The following ABAT variants were observed in gnomAD, a reference collection of about 807,000 sequenced individuals.
ABAT encodes the protein 4-aminobutyrate aminotransferase, mitochondrial.
In ABAT, 45 loss-of-function variants were observed where a neutral mutation model predicts 64.6. That is an observed-to-expected ratio of 0.70 (90% CI 0.55 to 0.89). The LOEUF (loss-of-function observed/expected upper bound fraction) is 0.89. Ranked by LOEUF, ABAT falls within the 40% of genes least tolerant of loss-of-function variation. ABAT has a pLI of 0.00. For synonymous variants in ABAT, 297 were observed against 250.5 expected, an observed-to-expected ratio of 1.19 and a Z score of -1.75; for missense variants, 633 against 658.4, an observed-to-expected ratio of 0.96 and a Z score of 0.42.
chr16:8,778,869 C>T (rs1230175892), intron 14 of ABAT, among the ~76,000 whole-genome samples: 3 of 152,068 alleles, frequency 2.0e-5, no homozygotes, highest in East Asian at 3.9e-4. Context: ...ATTATTTCTG[C>T]GAAGACCTTA....
chr16:8,727,602 G>A lies in ABAT; in HGVS notation c.-41-8097G>A, dbSNP rs1463065008. On this transcript the variant is annotated intron_variant, in intron 1 of 15. Coordinates refer to ENST00000268251, the MANE Select transcript of ABAT (RefSeq NM_020686.6). ...CAGAATTTGTTGTTGACAGTGAACT[G>A]GAAAATTTTTATGTACATATCATGC... Among the ~76,000 whole-genome samples, 4 of 152,128 alleles carry A rather than the reference G, an allele frequency of 2.6e-5. No individual in the cohort carries two copies. In the East Asian group the frequency reaches 5.8e-4, roughly 22 times the overall value.
At chr16:8,678,675 T>G (rs1215069494) in intron 1 of ABAT, among the ~76,000 whole-genome samples, 1 of 152,190 alleles carries the variant, frequency 6.6e-6, no homozygotes, top group East Asian at 1.9e-4. Context: ...TGCTCACACT[T>G]GCACTGACAT....
chr16:8,728,718 A>G (rs538841945), intron 1 of ABAT, among the ~76,000 whole-genome samples: 1 of 152,294 alleles, frequency 6.6e-6, no homozygotes, highest in Non-Finnish European at 1.5e-5. Flanking sequence ...TACTAAAAAT[A>G]CACAAATTAG....
intron 1 of ABAT, among the ~76,000 whole-genome samples, chr16:8,724,068 T>C (rs1185771824): frequency 6.6e-6 from 1 of 151,806 alleles, no homozygotes; most frequent in Non-Finnish European, 1.5e-5. Flanking sequence ...CTTGAACTCC[T>C]GACCTCAGGT....
chr16:8,683,514 G>A (rs531600384), intron 1 of ABAT: 2 of 149,782 alleles, frequency 1.3e-5, no homozygotes, highest in East Asian at 2.0e-4. Context: ...AATAGCTACT[G>A]CACTCCAGCC....
intron 1 of ABAT, among the ~76,000 whole-genome samples, chr16:8,689,692 C>G (rs2141967163): frequency 6.6e-6 from 1 of 152,174 alleles, no homozygotes; most frequent in East Asian, 1.9e-4. Flanking sequence ...TCAGGGAAGT[C>G]TTCTCTGAGA....
rs576703031 is a variant in ABAT at position 8,776,683 on chromosome 16, C to G, written c.1269+193C>G. 6.6e-6 allele frequency among the ~76,000 whole-genome samples: 1 copy of G among 152,320 alleles called. No homozygotes were observed. Among genetic ancestry groups the G allele is most frequent in the East Asian group, 1.9e-4 (1 of 5,182 alleles). On this transcript the variant is annotated intron_variant, in intron 14 of 15. Coordinates refer to ENST00000268251, the MANE Select transcript of ABAT (RefSeq NM_020686.6). This position sits in a 1 kb window ranked among gnomAD's most constrained non-coding sequence, Gnocchi z 4.4. Reference sequence around the variant, plus strand: ...AGGGGATGCCTCCCTATCCCTCCATCCCATTCCAACCCCTATTCCTGAACT... The same window carrying G: ...AGGGGATGCCTCCCTATCCCTCCATGCCATTCCAACCCCTATTCCTGAACT...
At chr16:8,752,486 C>T (rs555756612) in intron 5 of ABAT, among the ~76,000 whole-genome samples, 4 of 152,266 alleles carry the variant, frequency 2.6e-5, no homozygotes, top group South Asian at 2.1e-4. Context: ...TGGTCGGGCA[C>T]GGTGGAGCAC....
chr16:8,688,825 C>T (rs2057515529), intron 1 of ABAT, among the ~76,000 whole-genome samples: 1 of 152,194 alleles, frequency 6.6e-6, no homozygotes, highest in Non-Finnish European at 1.5e-5. Flanking sequence ...CACCTGTAAT[C>T]CCAACACTTT....
At chr16:8,749,816 T>G (rs1399729862) in intron 4 of ABAT, among the ~76,000 whole-genome samples, 1 of 152,110 alleles carries the variant, frequency 6.6e-6, no homozygotes, top group African/African-American at 2.4e-5. Context: ...CCGGGTGCAG[T>G]GATTCTCCTG....
intron 8 of ABAT, chr16:8,765,960 A>C: frequency 2.2e-6 from 1 of 450,432 alleles, no homozygotes; most frequent in East Asian, 4.6e-5. Context: ...CGCTCTCAGC[A>C]GATCTTAATC....
intron 1 of ABAT, among the ~76,000 whole-genome samples, chr16:8,703,392 GT>G (rs1187494305): frequency 1.3e-5 from 2 of 151,984 alleles, no homozygotes; most frequent in Non-Finnish European, 2.9e-5. Flanking sequence ...GAAGGCGGAG[GT>G]TGCAGTGAAC....
At chr16:8,689,482 C>T (rs566900466) in intron 1 of ABAT, among the ~76,000 whole-genome samples, 2 of 152,280 alleles carry the variant, frequency 1.3e-5, no homozygotes, top group East Asian at 1.9e-4. Flanking sequence ...GCTTCCAGTA[C>T]AGTGCCAGAT....
intron 1 of ABAT, among the ~76,000 whole-genome samples, chr16:8,730,081 C>G (rs527449308): frequency 6.6e-6 from 1 of 152,272 alleles, no homozygotes; most frequent in Admixed American, 6.5e-5. Flanking sequence ...AGGATAATGA[C>G]CTGTCTCTGT....
At chr16:8,749,375 C>T (rs2142702664) in intron 4 of ABAT, among the ~76,000 whole-genome samples, 1 of 145,846 alleles carries the variant, frequency 6.9e-6, no homozygotes, top group South Asian at 2.2e-4. Flanking sequence ...GCGTGAGCCA[C>T]CGCACCCGGC....
chr16:8,697,081 A>G (rs960252097), intron 1 of ABAT, among the ~76,000 whole-genome samples: 2 of 152,208 alleles, frequency 1.3e-5, no homozygotes, highest in African/African-American at 4.8e-5. Context: ...TAAGGGTGAC[A>G]AAAATAAAAT....
At chr16:8,691,515 A>G (rs1273359) in intron 1 of ABAT, among the ~76,000 whole-genome samples, 111 of 151,810 alleles carry the variant, frequency 7.3e-4, no homozygotes, top group Admixed American at 1.8e-3. Flanking sequence ...TTTTGGCTCA[A>G]TGCAATCTCT....
intron 1 of ABAT, among the ~76,000 whole-genome samples, chr16:8,728,447 C>T (rs2058621902): frequency 6.6e-6 from 1 of 152,152 alleles, no homozygotes; most frequent in African/African-American, 2.4e-5. Flanking sequence ...CCTCAGTGCT[C>T]CCTGTTTCAG....
intron 1 of ABAT, among the ~76,000 whole-genome samples, chr16:8,716,489 C>G (rs930069153): frequency 6.6e-6 from 1 of 152,160 alleles, no homozygotes. Context: ...ATGGGGAAAC[C>G]TGAAGGGTGT....
Sources: gnomAD v4.1 joint callset for allele counts (sites outside exome capture counted in the v4.1 genomes callset) on GRCh38, gnomAD v4.1.1 for gene constraint, Gnocchi (gnomAD v3.1) non-coding constraint, MANE v1.5 for transcripts, NCBI Gene and HGNC (gene_info 2026-07-23, HGNC 2026-07-21) for gene names.